CPE: variants seen among roughly 807,000 people sequenced by gnomAD.
The protein encoded by CPE is carbocypeptidase E.
A neutral mutation model predicts 53.5 loss-of-function variants in CPE; 17 were observed. The observed-to-expected ratio is 0.32, with a 90% CI of 0.22 to 0.48. CPE has a LOEUF of 0.48. CPE is among the 20% of genes least tolerant of loss of function. The probability of loss-of-function intolerance (pLI) is 0.99; values close to 1 mark genes in which losing one functional copy is unlikely to be tolerated. For synonymous variants in CPE, 226 were observed against 228.8 expected, an observed-to-expected ratio of 0.99 and a Z score of 0.11; for missense variants, 524 against 614.7, an observed-to-expected ratio of 0.85 and a Z score of 1.56.
At chr4:165,454,929 CA>C (rs1731876020) in intron 1 of CPE, among the ~76,000 whole-genome samples, 1 of 152,194 alleles carries the variant, frequency 6.6e-6, no homozygotes, top group African/African-American at 2.4e-5. Flanking sequence ...TCCAGCCTCA[CA>C]GCTTGTCTCT....
At chr4:165,415,950 G>A (rs1731115539) in intron 1 of CPE, among the ~76,000 whole-genome samples, 3 of 152,060 alleles carry the variant, frequency 2.0e-5, no homozygotes, top group Non-Finnish European at 4.4e-5. Flanking sequence ...TTAGGATCTA[G>A]ATCCCCCAGA....
intron 3 of CPE, among the ~76,000 whole-genome samples, chr4:165,481,017 T>TATATATATATATATA (rs1553978734): frequency 2.1e-4 from 9 of 42,192 alleles, no homozygotes; most frequent in African/African-American, 3.9e-4. Flanking sequence ...TATATATATA[T>TATATATATATATATA]TTTTTTTTTT....
At chr4:165,445,376 A>G (rs1278984640) in intron 1 of CPE, among the ~76,000 whole-genome samples, 1 of 150,976 alleles carries the variant, frequency 6.6e-6, no homozygotes, top group Non-Finnish European at 1.5e-5. Context: ...TTCATACCGC[A>G]TATTTAATTG....
At chr4:165,409,765 ATACT>A (rs1212157601) in intron 1 of CPE, among the ~76,000 whole-genome samples, 6 of 152,130 alleles carry the variant, frequency 3.9e-5, no homozygotes, top group African/African-American at 9.7e-5. Context: ...TACTATATTT[ATACT>A]TACTTTGTGA....
intron 4 of CPE, among the ~76,000 whole-genome samples, 160 bp from the exon 5 acceptor site, chr4:165,484,262 T>C (rs1732465402): frequency 6.6e-6 from 1 of 152,182 alleles, no homozygotes; most frequent in Non-Finnish European, 1.5e-5. Flanking sequence ...TAAAACTAAG[T>C]GTAATTATTT....
chr4:165,484,440 G>T lies in CPE; in HGVS notation c.809G>T (p.Ser270Ile), dbSNP rs145229675. The T allele has an allele frequency of 1.2e-6, 2 of 1,613,890 alleles. No homozygotes were observed. The highest frequency in any genetic ancestry group is 1.7e-4 in the Middle Eastern group (1 of 6,058). ...TTTCTAGGTAGTGCTCACGAATACA[G>T]CTCCTCCCCAGATGACGCCATTTTC... is the stretch of plus-strand genomic sequence containing the variant. The part of the protein sequence containing the change: ...ETRSGSAHEY[S>I]SSPDDAIFQS... The change falls in exon 5 of 9, where the codon AGC becomes ATC. Residue 270 changes from serine to isoleucine, a missense_variant. Coordinates refer to ENST00000402744, the MANE Select transcript of CPE (RefSeq NM_001873.4).
intron 1 of CPE, among the ~76,000 whole-genome samples, chr4:165,442,816 G>A (rs1731638337): frequency 6.6e-6 from 1 of 152,102 alleles, no homozygotes; most frequent in Non-Finnish European, 1.5e-5. Flanking sequence ...AACCTTTCAT[G>A]CGTTCCTAGT....
chr4:165,423,735 T>C (rs1731267308), intron 1 of CPE, among the ~76,000 whole-genome samples: 1 of 151,672 alleles, frequency 6.6e-6, no homozygotes, highest in Non-Finnish European at 1.5e-5. Context: ...GCTGGTGCGC[T>C]GCACCCACTA....
chr4:165,475,897 T>C (rs1002673046), intron 3 of CPE, among the ~76,000 whole-genome samples: 5 of 151,916 alleles, frequency 3.3e-5, no homozygotes, highest in Admixed American at 6.6e-5. Context: ...GTTCTAGTGG[T>C]TGGTCAGTAA....
intron 1 of CPE, among the ~76,000 whole-genome samples, chr4:165,461,912 G>A (rs1262808299): frequency 6.6e-6 from 1 of 152,196 alleles, no homozygotes; most frequent in African/African-American, 2.4e-5. Flanking sequence ...AGGAGTTAGA[G>A]ATACACTTGC....
chr4:165,480,340 G>A (rs1015250427), intron 3 of CPE, among the ~76,000 whole-genome samples: 3 of 152,182 alleles, frequency 2.0e-5, no homozygotes, highest in Non-Finnish European at 4.4e-5. Flanking sequence ...AGCTAAAAAC[G>A]TGCTTAGCTT....
In CPE at chr4:165,435,583, A is replaced by G. The variant is rs528799850; in HGVS notation, c.308-28807A>G. On this transcript the variant is annotated intron_variant, in intron 1 of 8. Transcript: ENST00000402744. ...TAGTATAATTCTTAGCCAGGATATG[A>G]GGACTATGACCTCTTATGTGCTTTT... Among the ~76,000 whole-genome samples, 6 of 152,334 alleles carry G rather than the reference A, an allele frequency of 3.9e-5. No individual in the cohort carries two copies. The East Asian group carries it at 7.7e-4, about 20-fold the overall frequency.
intron 3 of CPE, among the ~76,000 whole-genome samples, chr4:165,476,538 A>G (rs1294986310): frequency 2.0e-5 from 3 of 151,648 alleles, no homozygotes. Flanking sequence ...AGCTCCTGAG[A>G]TCTTATTGGG....
chr4:165,453,900 T>C (rs1303206339), intron 1 of CPE, among the ~76,000 whole-genome samples: 1 of 152,138 alleles, frequency 6.6e-6, no homozygotes, highest in Non-Finnish European at 1.5e-5. Flanking sequence ...TAAAAAATAA[T>C]GTCAGAGTTT....
At chr4:165,404,616 G>C in intron 1 of CPE, 1 of 1,122,154 alleles carries the variant, frequency 8.9e-7, no homozygotes. Context: ...GCACCCACAG[G>C]AAGGCCAAGG....
chr4:165,491,622 AAT>A (rs1251315328), intron 6 of CPE, among the ~76,000 whole-genome samples: 8 of 152,206 alleles, frequency 5.3e-5, no homozygotes, highest in Non-Finnish European at 1.0e-4. Context: ...AATTTTTAAA[AAT>A]ATATTTACTC....
chr4:165,379,318 C>T lies in CPE; in HGVS notation c.97C>T (p.Pro33Ser). ...LGAEAQEPGAPAAGMRRRRRL... is the reference protein window; with the variant it reads ...LGAEAQEPGASAAGMRRRRRL... ...CGCCGAAGCCCAGGAGCCCGGGGCG[C>T]CCGCGGCGGGCATGAGGCGGCGCCG... The change falls in exon 1 of 9, where the codon CCC (proline) becomes TCC (serine). Residue 33 changes from proline to serine, a missense_variant. By Grantham distance (74) the Pro-to-Ser change is moderately conservative (BLOSUM62 -1). Coordinates refer to ENST00000402744, the MANE Select transcript of CPE (RefSeq NM_001873.4). The surrounding 1 kb of genome is among the most constrained non-coding windows in gnomAD (Gnocchi z 6.0). 6.4e-7 allele frequency: 1 copy of T among 1,560,930 alleles called. No individual in the cohort carries two copies.
chr4:165,423,825 G>A (rs904023818), intron 1 of CPE, among the ~76,000 whole-genome samples: 10 of 131,112 alleles, frequency 7.6e-5, no homozygotes, highest in African/African-American at 2.9e-4. Context: ...CTCAGAGTGT[G>A]ATGTTCCCCT....
At position 165,379,815 on chromosome 4, in the gene CPE, G is replaced by A. The variant is rs1730473402; in HGVS notation, c.307+287G>A. 6.6e-6 allele frequency among the ~76,000 whole-genome samples: 1 copy of A among 152,172 alleles called. No individual in the cohort carries two copies. The highest frequency in any genetic ancestry group is 6.5e-5 in the Admixed American group (1 of 15,288). ...TAGTAAGTATAGGCTTGGGAGGCTG[G>A]GGTGGCGGGGGATGGGGGGGATAGC... On this transcript the variant is annotated intron_variant, in intron 1 of 8. Transcript: ENST00000402744. This position sits in a 1 kb window ranked among gnomAD's most constrained non-coding sequence, Gnocchi z 6.0.
Sources: gnomAD v4.1 joint callset for allele counts (sites outside exome capture counted in the v4.1 genomes callset) on GRCh38, gnomAD v4.1.1 for gene constraint, Gnocchi (gnomAD v3.1) non-coding constraint, MANE v1.5 for transcripts, NCBI Gene and HGNC (gene_info 2026-07-23, HGNC 2026-07-21) for gene names.